The following TOMM70 variants were observed in gnomAD, a reference collection of about 807,000 sequenced individuals.
TOMM70 encodes the protein translocase of outer mitochondrial membrane 70, also known as mitochondrial import receptor subunit TOM70.
In TOMM70, 13 loss-of-function variants were observed where a neutral mutation model predicts 73.6. That is an observed-to-expected ratio of 0.18 (90% confidence interval 0.11 to 0.28). The LOEUF (loss-of-function observed/expected upper bound fraction) is 0.28. Ranked by LOEUF, TOMM70 falls within the 10% of genes least tolerant of loss-of-function variation. TOMM70 has a pLI of 1.00. For missense variants in TOMM70, 609 were observed against 747.5 expected (o/e 0.81, Z 2.16); for synonymous variants, 257 against 271.2 (o/e 0.95, Z 0.51).
chr3:100,366,201 A>C (rs1164013062), intron 11 of TOMM70, among the ~76,000 whole-genome samples: 1 of 152,114 alleles, frequency 6.6e-6, no homozygotes, highest in South Asian at 2.1e-4. Context: ...TTTCTGTTTC[A>C]TCTCTTACCA....
intron 7 of TOMM70, among the ~76,000 whole-genome samples, chr3:100,374,020 G>A (rs1315886379): frequency 6.6e-6 from 1 of 152,142 alleles, no homozygotes; most frequent in Non-Finnish European, 1.5e-5. Context: ...AGATCAAAAT[G>A]TCAAGAATTT....
At chr3:100,376,588 ATTT>A (rs397948694) in intron 6 of TOMM70, among the ~76,000 whole-genome samples, 1 of 143,860 alleles carries the variant, frequency 7.0e-6, no homozygotes, top group African/African-American at 2.5e-5. Flanking sequence ...CGTCCAATCT[ATTT>A]TTTTTTTTTG....
At chr3:100,398,125 G>GT (rs1706845989) in intron 1 of TOMM70, among the ~76,000 whole-genome samples, 1 of 152,038 alleles carries the variant, frequency 6.6e-6, no homozygotes, top group Non-Finnish European at 1.5e-5. Context: ...GCTCGTGCCT[G>GT]TAATTCCTAG....
intron 1 of TOMM70, among the ~76,000 whole-genome samples, chr3:100,395,879 G>A (rs1207320375): frequency 6.6e-6 from 1 of 152,164 alleles, no homozygotes; most frequent in Admixed American, 6.5e-5. Context: ...CACGTGGTAA[G>A]TGCTATAAAA....
chr3:100,386,085 C>T, intron 3 of TOMM70, 133 bp downstream of exon 3: 2 of 952,488 alleles, frequency 2.1e-6, no homozygotes, highest in Non-Finnish European at 3.0e-6. Context: ...CTAGAAGACA[C>T]AATCTTAAGT....
At chr3:100,387,424 G>T (rs1160122324) in intron 1 of TOMM70, among the ~76,000 whole-genome samples, 1 of 152,014 alleles carries the variant, frequency 6.6e-6, no homozygotes, top group East Asian at 1.9e-4. Flanking sequence ...TCCAGCCTTG[G>T]TGAGAGATTG....
At chr3:100,370,615 T>C (rs1706498317) in intron 9 of TOMM70, among the ~76,000 whole-genome samples, 1 of 152,184 alleles carries the variant, frequency 6.6e-6, no homozygotes, top group Non-Finnish European at 1.5e-5. Context: ...ACGCCAAAGC[T>C]TTGAGGGCCA....
In TOMM70 at chr3:100,363,497, G is replaced by A. The variant is rs952620747; in HGVS notation, c.*2067C>T. On this transcript the variant is annotated 3_prime_UTR_variant, in exon 12 of 12. Transcript: ENST00000284320. The stretch of plus-strand genomic sequence containing the variant: ...ATATTTATTTGGTGAATTTACATGT[G>A]AGGTCATTTACAAAAGAAAGATACA... 2 of 152,588 alleles carry A rather than the reference G, an allele frequency of 1.3e-5. No individual in the cohort carries two copies. Among genetic ancestry groups the A allele is most frequent in the African/African-American group, 4.8e-5 (2 of 41,414 alleles). The allele number at this position is 152,588 out of a possible 1,614,324, so 9.5% of individuals were successfully genotyped here.
chr3:100,372,515 C>T, intron 9 of TOMM70, 91 bp downstream of exon 9: 3 of 1,032,992 alleles, frequency 2.9e-6, no homozygotes, highest in Middle Eastern at 5.2e-4. Context: ...TCCAAAGAAG[C>T]TGCAACCATG....
intron 1 of TOMM70, among the ~76,000 whole-genome samples, chr3:100,399,521 A>G (rs1257648353): frequency 6.6e-6 from 1 of 152,212 alleles, no homozygotes; most frequent in African/African-American, 2.4e-5. Context: ...AAATGCAGCC[A>G]GACTAATTCT....
At chr3:100,368,733 C>G (rs1404469484) in intron 10 of TOMM70, among the ~76,000 whole-genome samples, 1 of 152,092 alleles carries the variant, frequency 6.6e-6, no homozygotes, top group Non-Finnish European at 1.5e-5. Flanking sequence ...TGCCACCACA[C>G]CTGGCTAATT....
At chr3:100,372,748 C>A in intron 8 of TOMM70, 26 bp from the exon 9 acceptor site, 4 of 1,572,312 alleles carry the variant, frequency 2.5e-6, no homozygotes, top group South Asian at 1.1e-5. Flanking sequence ...ACAGGCCTGT[C>A]AAATCAAGAA....
chr3:100,365,405 C>A lies in TOMM70; in HGVS notation c.*159G>T. 3.7e-6 allele frequency: 4 copies of A among 1,095,472 alleles called. No individual in the cohort carries two copies. The highest frequency in any genetic ancestry group is 5.1e-6 in the Non-Finnish European group (4 of 783,830). The allele number at this position is 1,095,472 out of a possible 1,614,324, so 67.9% of individuals were successfully genotyped here. A position where few individuals can be genotyped will look rare whatever the true frequency, so the allele number is the denominator to read the frequency against. On this transcript the variant is annotated 3_prime_UTR_variant, in exon 12 of 12. Coordinates refer to ENST00000284320, the MANE Select transcript of TOMM70 (RefSeq NM_014820.5). ...CTGCAAACTTCCTTCAACAGCCACACCCACAACACCTAGACATGAAACAGA... is the reference window on the plus strand; with the variant it reads ...CTGCAAACTTCCTTCAACAGCCACAACCACAACACCTAGACATGAAACAGA...
chr3:100,375,544 GT>G (rs771252057), intron 6 of TOMM70, among the ~76,000 whole-genome samples: 2 of 151,972 alleles, frequency 1.3e-5, no homozygotes, highest in African/African-American at 2.4e-5. Context: ...TGTTTTCAAG[GT>G]TCATCCATAT....
chr3:100,380,635 G>A (rs1576214109), intron 5 of TOMM70, among the ~76,000 whole-genome samples: 1 of 152,186 alleles, frequency 6.6e-6, no homozygotes, highest in African/African-American at 2.4e-5. Context: ...ATTCATTATA[G>A]TTTTTCTGGG....
At chr3:100,385,259 A>G (rs1706677743) in intron 3 of TOMM70, among the ~76,000 whole-genome samples, 1 of 152,162 alleles carries the variant, frequency 6.6e-6, no homozygotes, top group African/African-American at 2.4e-5. Context: ...TGTTTCTTCT[A>G]CGTGACACTT....
intron 11 of TOMM70, among the ~76,000 whole-genome samples, chr3:100,366,495 T>C (rs1262898134): frequency 6.6e-6 from 1 of 152,258 alleles, no homozygotes; most frequent in Non-Finnish European, 1.5e-5. Context: ...AGTTAGACTT[T>C]ATATGCCAGT....
intron 1 of TOMM70, among the ~76,000 whole-genome samples, chr3:100,400,258 G>GA (rs1706877393): frequency 6.6e-6 from 1 of 152,130 alleles, no homozygotes; most frequent in Admixed American, 6.5e-5. Flanking sequence ...GGAAATCACA[G>GA]AAACAGTTCG....
At chr3:100,367,212 C>T (rs1464283581) in intron 11 of TOMM70, among the ~76,000 whole-genome samples, 3 of 151,546 alleles carry the variant, frequency 2.0e-5, no homozygotes, top group Non-Finnish European at 4.4e-5. Context: ...GACTCTGTCT[C>T]ATAAAAAGAA....
Sources: gnomAD v4.1 joint callset for allele counts (sites outside exome capture counted in the v4.1 genomes callset) on GRCh38, gnomAD v4.1.1 for gene constraint, MANE v1.5 for transcripts, NCBI Gene and HGNC (gene_info 2026-07-23, HGNC 2026-07-21) for gene names.